The following NR3C2 variants were observed in gnomAD, a reference collection of about 807,000 sequenced individuals.
NR3C2 encodes the protein mineralocorticoid receptor.
NR3C2 carries 15 observed loss-of-function variants against 86.4 expected under a neutral mutation model. The ratio of observed to expected loss-of-function variants is 0.17; its 90% CI spans 0.12 to 0.27. The LOEUF is 0.27. Among genes scored for constraint, NR3C2 ranks in the 10% least tolerant of loss-of-function variants. The pLI is 1.00. For missense variants in NR3C2, 960 were observed against 1,195.6 expected, an observed-to-expected ratio of 0.80 and a Z score of 2.91; for synonymous variants, 458 against 450.5, an observed-to-expected ratio of 1.02 and a Z score of -0.21.
chr4:148,203,740 C>G (rs895720191), intron 3 of NR3C2, among the ~76,000 whole-genome samples: 8 of 148,568 alleles, frequency 5.4e-5, no homozygotes, highest in Non-Finnish European at 1.0e-4. Flanking sequence ...TTGGAGCCAA[C>G]TAAAACATTC....
chr4:148,255,629 T>C (rs1346840270), intron 3 of NR3C2, among the ~76,000 whole-genome samples: 1 of 152,232 alleles, frequency 6.6e-6, no homozygotes, highest in African/African-American at 2.4e-5. Context: ...TTTACAGCCA[T>C]ATAACTATTT....
chr4:148,444,506 GTGAC>G, upstream of NR3C2: 7 of 985,914 alleles, frequency 7.1e-6, no homozygotes, highest in Non-Finnish European at 7.2e-6. Flanking sequence ...TCAGCGCAAA[GTGAC>G]TGTCGCTGCA....
intron 2 of NR3C2, among the ~76,000 whole-genome samples, chr4:148,426,480 C>T (rs1213244406): frequency 6.6e-6 from 1 of 152,218 alleles, no homozygotes; most frequent in Non-Finnish European, 1.5e-5. Context: ...GTTTCAGTAT[C>T]CATGCCCATA....
At chr4:148,280,331 A>T (rs1346090524) in intron 2 of NR3C2, among the ~76,000 whole-genome samples, 1 of 152,232 alleles carries the variant, frequency 6.6e-6, no homozygotes, top group Admixed American at 6.5e-5. Flanking sequence ...TTCAATTTAT[A>T]AATACAGTTA....
At chr4:148,328,049 G>A (rs1241824309) in intron 2 of NR3C2, among the ~76,000 whole-genome samples, 2 of 133,882 alleles carry the variant, frequency 1.5e-5, no homozygotes, top group Non-Finnish European at 3.1e-5. Flanking sequence ...AGGGCCCCAG[G>A]AGCTCTGGGT....
chr4:148,081,605 C>T, intron 8 of NR3C2, 106 bp from the exon 9 acceptor site: 1 of 1,481,206 alleles, frequency 6.8e-7, no homozygotes, highest in Non-Finnish European at 9.3e-7. Flanking sequence ...TTTAGAAAGC[C>T]TCCCAGGAGA....
At chr4:148,130,499 C>T (rs954452259) in intron 6 of NR3C2, among the ~76,000 whole-genome samples, 10 of 152,224 alleles carry the variant, frequency 6.6e-5, no homozygotes, top group African/African-American at 2.2e-4. Context: ...TCACATTAGC[C>T]CCTGGATTAA....
intron 2 of NR3C2, among the ~76,000 whole-genome samples, chr4:148,366,584 T>C (rs868211502): frequency 1.8e-5 from 1 of 56,824 alleles, no homozygotes; most frequent in African/African-American, 6.4e-5. Flanking sequence ...TTCAACAAAG[T>C]CTAAATTGAT....
intron 2 of NR3C2, among the ~76,000 whole-genome samples, chr4:148,400,778 C>CAA (rs34623514): frequency 2.8e-3 from 234 of 84,086 alleles, no homozygotes; most frequent in Non-Finnish European, 3.2e-3. Context: ...GACTCCGTCT[C>CAA]AAAAAAAAAA....
At chr4:148,116,703 T>C (rs1732288971) in intron 7 of NR3C2, among the ~76,000 whole-genome samples, 1 of 152,078 alleles carries the variant, frequency 6.6e-6, no homozygotes, top group South Asian at 2.1e-4. Context: ...CTTTTTATTT[T>C]GCTTCTTCTG....
intron 3 of NR3C2, among the ~76,000 whole-genome samples, chr4:148,207,350 C>T (rs1320132899): frequency 6.6e-6 from 1 of 152,214 alleles, no homozygotes; most frequent in African/African-American, 2.4e-5. Flanking sequence ...TCACTAGAAT[C>T]ACCTGGCCAG....
At chr4:148,270,719 A>G (rs778839524) in intron 2 of NR3C2, among the ~76,000 whole-genome samples, 1 of 152,214 alleles carries the variant, frequency 6.6e-6, no homozygotes, top group Non-Finnish European at 1.5e-5. Context: ...AAGAGCAACA[A>G]TAGGGCACTA....
upstream of NR3C2, chr4:148,442,674 ATGAC>A: frequency 1.0e-6 from 1 of 985,376 alleles, no homozygotes; most frequent in South Asian, 4.7e-5. Flanking sequence ...GGCGGGCGAC[ATGAC>A]TGATACAAAG....
At chr4:148,405,105 A>G (rs1748350602) in intron 2 of NR3C2, among the ~76,000 whole-genome samples, 1 of 152,228 alleles carries the variant, frequency 6.6e-6, no homozygotes. Context: ...ACATCCAAAA[A>G]ATCCAAAATA....
chr4:148,126,167 C>T (rs1732735670), intron 6 of NR3C2, among the ~76,000 whole-genome samples: 3 of 152,202 alleles, frequency 2.0e-5, no homozygotes, highest in Non-Finnish European at 4.4e-5. Context: ...GATCTGGTAG[C>T]ATGTGACCTG....
chr4:148,392,980 A>G (rs1747668314), intron 2 of NR3C2, among the ~76,000 whole-genome samples: 1 of 152,202 alleles, frequency 6.6e-6, no homozygotes, highest in African/African-American at 2.4e-5. Flanking sequence ...TAAAAGGATC[A>G]TTACTAAAAT....
chr4:148,391,291 A>T (rs142185056), intron 2 of NR3C2, among the ~76,000 whole-genome samples: 1 of 152,370 alleles, frequency 6.6e-6, no homozygotes, highest in East Asian at 1.9e-4. Context: ...ACTGTGAGTC[A>T]GAATTGTACA....
chr4:148,420,914 T>G (rs1749250340), intron 2 of NR3C2, among the ~76,000 whole-genome samples: 1 of 152,136 alleles, frequency 6.6e-6, no homozygotes, highest in South Asian at 2.1e-4. Flanking sequence ...TGAGGCCTCC[T>G]CAGAAGCCGA....
chr4:148,087,913 T>C (rs899014788), intron 8 of NR3C2, among the ~76,000 whole-genome samples: 2 of 152,096 alleles, frequency 1.3e-5, no homozygotes, highest in East Asian at 1.9e-4. Flanking sequence ...AAAGAAACTA[T>C]CATCAGAGTG....
Sources: allele counts gnomAD v4.1 joint callset (sites outside exome capture counted in the v4.1 genomes callset), GRCh38; gene constraint gnomAD v4.1.1; transcripts MANE v1.5; gene names NCBI Gene and HGNC (gene_info 2026-07-23, HGNC 2026-07-21).